The following SHROOM3 variants were observed in gnomAD, a reference collection of about 807,000 sequenced individuals.
SHROOM3 encodes the protein shroom family member 3.
SHROOM3 carries 47 observed loss-of-function variants against 138.6 expected under a neutral mutation model. The ratio of observed to expected loss-of-function variants is 0.34; its 90% CI spans 0.27 to 0.43. The LOEUF (loss-of-function observed/expected upper bound fraction) is 0.43, where lower values mean the gene tolerates loss of function less well. SHROOM3 is among the 20% of genes least tolerant of loss of function. The pLI is 1.00. For missense variants in SHROOM3, 2,491 were observed against 2,596.5 expected, an observed-to-expected ratio of 0.96 and a Z score of 0.88; for synonymous variants, 1,062 against 1,063.3, an observed-to-expected ratio of 1.00 and a Z score of 0.02.
At chr4:76,690,796 T>C (rs1350442852) in intron 2 of SHROOM3, among the ~76,000 whole-genome samples, 1 of 152,222 alleles carries the variant, frequency 6.6e-6, no homozygotes, top group Non-Finnish European at 1.5e-5. Context: ...TTTTGTTTGC[T>C]AAGACCTAGT....
At chr4:76,600,419 GA>G (rs1457838125) in intron 2 of SHROOM3, among the ~76,000 whole-genome samples, 1 of 152,096 alleles carries the variant, frequency 6.6e-6, no homozygotes, top group African/African-American at 2.4e-5. Flanking sequence ...GAAATCACTG[GA>G]AAGAAAGCAG....
chr4:76,773,357 G>A (rs998269101), intron 10 of SHROOM3, among the ~76,000 whole-genome samples: 4 of 141,918 alleles, frequency 2.8e-5, no homozygotes, highest in Non-Finnish European at 4.5e-5. Flanking sequence ...CCGGGTGACA[G>A]AGCAAGACTG....
At chr4:76,708,566 G>T (rs1420270544) in intron 2 of SHROOM3, among the ~76,000 whole-genome samples, 1 of 152,224 alleles carries the variant, frequency 6.6e-6, no homozygotes, top group East Asian at 1.9e-4. Context: ...ATACCAATGG[G>T]TGGTCTTGGA....
intron 2 of SHROOM3, among the ~76,000 whole-genome samples, chr4:76,558,014 A>G (rs911808236): frequency 1.3e-5 from 2 of 152,130 alleles, no homozygotes; most frequent in Non-Finnish European, 2.9e-5. Flanking sequence ...TCACCTTGGC[A>G]TTGGAACCCA....
chr4:76,530,674 G>C (rs1236936652), intron 1 of SHROOM3, among the ~76,000 whole-genome samples: 3 of 152,180 alleles, frequency 2.0e-5, no homozygotes, highest in Non-Finnish European at 4.4e-5. Context: ...AAACCCCAGG[G>C]AAAGGTTTTG....
intron 2 of SHROOM3, among the ~76,000 whole-genome samples, chr4:76,650,952 G>A (rs11736096): frequency 0.34 from 51,180 of 152,038 alleles, 8,953 homozygotes; most frequent in East Asian, 0.52. Flanking sequence ...ATTTAGCCAT[G>A]AAAAAGAATA....
chr4:76,697,566 T>C (rs1294266834), intron 2 of SHROOM3, among the ~76,000 whole-genome samples: 2 of 152,168 alleles, frequency 1.3e-5, no homozygotes, highest in Non-Finnish European at 2.9e-5. Context: ...TGGAGCCTTA[T>C]AATAGGTTGG....
At position 76,754,538 on chromosome 4, in the gene SHROOM3, C is replaced by T. The variant is rs374574913; in HGVS notation, c.4055C>T (p.Thr1352Ile). The T allele has an allele frequency of 1.9e-5, 30 of 1,613,510 alleles. No homozygotes were observed. Among genetic ancestry groups the T allele is most frequent in the Non-Finnish European group, 2.5e-5 (29 of 1,179,662 alleles). The change falls in exon 7 of 11, where the codon ACC becomes ATC. Residue 1352 changes from threonine (T) to isoleucine (I), a missense_variant. Transcript: ENST00000296043. ...LVTDTRAAPL[T>I]PIGTPLPSAI... The stretch of plus-strand genomic sequence containing the variant: ...ACAGACACCAGGGCTGCACCCCTGA[C>T]CCCAATTGGCACCCCTCTGCCTTCA...
Position 76,487,390 on chromosome 4 carries a change from A to G in SHROOM3, c.168+51170A>G, listed in dbSNP as rs59308992. ...TTCTACTTTTTTGGCTATTATGAAT[A>G]GTGCTGTTGTGAATATTCATGTACA... On this transcript the variant is annotated intron_variant, in intron 1 of 10. Coordinates refer to ENST00000296043, the MANE Select transcript of SHROOM3 (RefSeq NM_020859.4). Among the ~76,000 whole-genome samples, 467 of 152,288 alleles carry G rather than the reference A, an allele frequency of 3.1e-3. 3 individuals carry two copies. The highest frequency in any genetic ancestry group is 0.011 in the African/African-American group (441 of 41,562).
intron 1 of SHROOM3, among the ~76,000 whole-genome samples, chr4:76,515,338 A>G (rs779015313): frequency 6.6e-6 from 1 of 151,596 alleles, no homozygotes; most frequent in Non-Finnish European, 1.5e-5. Flanking sequence ...GTGAGCCAAG[A>G]TGGTGCCACT....
intron 2 of SHROOM3, among the ~76,000 whole-genome samples, chr4:76,596,581 A>AACACACAC (rs58214296): frequency 0.034 from 4,741 of 138,154 alleles, 98 homozygotes; most frequent in East Asian, 0.084. Flanking sequence ...GGTACAGAGA[A>AACACACAC]ACACACACAC....
At position 76,725,867 on chromosome 4, in the gene SHROOM3, G is replaced by A. The variant is rs1055447985; in HGVS notation, c.456-4937G>A. ...CCTCCTGTGTCCTGTGTCTTCAGAT[G>A]GGCCTCTGCACGCTCTCTGCCTTAT... On this transcript the variant is annotated intron_variant, in intron 3 of 10. Coordinates refer to ENST00000296043, the MANE Select transcript of SHROOM3 (RefSeq NM_020859.4). Among the ~76,000 whole-genome samples the A allele has an allele frequency of 2.1e-4, 32 of 152,218 alleles. 1 individual carries two copies. The highest frequency in any genetic ancestry group is 1.5e-3 in the Admixed American group (23 of 15,284).
intron 2 of SHROOM3, among the ~76,000 whole-genome samples, chr4:76,604,102 G>A (rs1407207824): frequency 2.0e-5 from 3 of 152,068 alleles, no homozygotes; most frequent in South Asian, 4.2e-4. Context: ...TGGGATTACA[G>A]GCGTGAGCCA....
chr4:76,569,042 A>G (rs1303776247), intron 2 of SHROOM3, among the ~76,000 whole-genome samples: 1 of 152,228 alleles, frequency 6.6e-6, no homozygotes, highest in Non-Finnish European at 1.5e-5. Flanking sequence ...CTCATTCATA[A>G]GTTCAACCAT....
chr4:76,548,437 G>A (rs1733273256), intron 1 of SHROOM3, among the ~76,000 whole-genome samples: 1 of 152,158 alleles, frequency 6.6e-6, no homozygotes, highest in Admixed American at 6.5e-5. Flanking sequence ...GGCTAGAGTG[G>A]TTAAGCATGA....
intron 1 of SHROOM3, among the ~76,000 whole-genome samples, chr4:76,437,075 T>A (rs1404770280): frequency 6.6e-6 from 1 of 152,232 alleles, no homozygotes; most frequent in Non-Finnish European, 1.5e-5. Context: ...ATTTGAGCTC[T>A]GTTATTGGTT....
intron 1 of SHROOM3, among the ~76,000 whole-genome samples, chr4:76,469,133 C>T (rs1025813350): frequency 9.2e-5 from 14 of 151,614 alleles, no homozygotes; most frequent in African/African-American, 2.4e-4. Flanking sequence ...ACCTGGGAGG[C>T]GGAATTGCAG....
chr4:76,487,023 A>G (rs1220303613), intron 1 of SHROOM3, among the ~76,000 whole-genome samples: 3 of 152,146 alleles, frequency 2.0e-5, no homozygotes, highest in Non-Finnish European at 4.4e-5. Context: ...ACCACGATCA[A>G]TTTTGAAACA....
chr4:76,710,028 C>T, intron 2 of SHROOM3, 128 bp from the exon 3 acceptor site: 2 of 1,247,996 alleles, frequency 1.6e-6, no homozygotes, highest in East Asian at 2.4e-5. Context: ...GAACCCTGCA[C>T]TTAGCTGTGC....
Sources: gnomAD v4.1 joint callset for allele counts (sites outside exome capture counted in the v4.1 genomes callset) on GRCh38, gnomAD v4.1.1 for gene constraint, MANE v1.5 for transcripts, NCBI Gene and HGNC (gene_info 2026-07-23, HGNC 2026-07-21) for gene names.